Variants in ZYG11A observed in about 807,000 individuals in gnomAD.
The protein encoded by ZYG11A is zyg-11 family member A, cell cycle regulator, also known as protein zyg-11 homolog A.
Under a neutral mutation model 77.2 loss-of-function variants are expected in ZYG11A, and 62 were observed. The observed-to-expected ratio is 0.80, with a 90% CI of 0.65 to 0.99. ZYG11A has a LOEUF of 0.99. ZYG11A is among the 50% of genes least tolerant of loss of function. The pLI, the probability that ZYG11A is intolerant of heterozygous loss-of-function variation, is 0.00. For missense variants in ZYG11A, 828 were observed against 896.8 expected (o/e 0.92, Z 0.98); for synonymous variants, 315 against 324.6 (o/e 0.97, Z 0.32).
intron 11 of ZYG11A, among the ~76,000 whole-genome samples, chr1:52,882,861 TTTC>T (rs1266886068): frequency 1.3e-5 from 2 of 152,082 alleles, no homozygotes; most frequent in African/African-American, 4.8e-5. Context: ...TGTTAATTTT[TTTC>T]TTCTTTGTGG....
intron 1 of ZYG11A, among the ~76,000 whole-genome samples, chr1:52,849,568 A>G (rs565722683): frequency 2.0e-5 from 3 of 151,152 alleles, no homozygotes; most frequent in Admixed American, 6.6e-5. Context: ...GAGTTTCACC[A>G]TGTTGGCCAG....
intron 13 of ZYG11A, among the ~76,000 whole-genome samples, chr1:52,891,502 G>A (rs202007982): frequency 6.6e-6 from 1 of 151,730 alleles, no homozygotes; most frequent in Non-Finnish European, 1.5e-5. Flanking sequence ...CCATAGGCTT[G>A]TGCTCGTTTT....
In ZYG11A at chr1:52,875,291, A is replaced by C. The variant is rs1316742216; in HGVS notation, c.1543-2391A>C. Among the ~76,000 whole-genome samples the C allele has an allele frequency of 2.6e-5, 4 of 152,184 alleles. No homozygotes were observed. The East Asian group carries it at 7.7e-4, about 29-fold the overall frequency. On this transcript the variant is annotated intron_variant, in intron 8 of 13. Transcript: ENST00000371528. ...CCAAAACCTGATTGGAATAGGATGGAATAGCAAATGGGAGGTGAGAAATGG... is the reference window on the plus strand; with the variant it reads ...CCAAAACCTGATTGGAATAGGATGGCATAGCAAATGGGAGGTGAGAAATGG...
chr1:52,884,447 G>C (rs1258087869), intron 11 of ZYG11A, among the ~76,000 whole-genome samples: 2 of 149,788 alleles, frequency 1.3e-5, no homozygotes, highest in East Asian at 3.9e-4. Context: ...AGTGAGCCGA[G>C]ATCGTGCCAC....
chr1:52,884,493 C>A (rs1296986274), intron 11 of ZYG11A, among the ~76,000 whole-genome samples: 582 of 98,504 alleles, frequency 5.9e-3, no homozygotes, highest in Non-Finnish European at 6.4e-3. Flanking sequence ...GAGACTGCCT[C>A]AAAAAAAAAA....
chr1:52,869,256 T>C (rs1646090849), intron 8 of ZYG11A, among the ~76,000 whole-genome samples: 1 of 151,196 alleles, frequency 6.6e-6, no homozygotes, highest in South Asian at 2.1e-4. Flanking sequence ...TTCTTTTTTT[T>C]TTTCTTTATT....
At chr1:52,852,511 G>C (rs1268102042) in intron 1 of ZYG11A, among the ~76,000 whole-genome samples, 1 of 151,178 alleles carries the variant, frequency 6.6e-6, no homozygotes. Context: ...ACTATAGATA[G>C]GCATGTGCCA....
At position 52,890,693 on chromosome 1, in the gene ZYG11A, A is replaced by G. The variant is rs545927427; in HGVS notation, c.2105-2089A>G. 9.2e-4 allele frequency among the ~76,000 whole-genome samples: 139 copies of G among 151,166 alleles called. 4 individuals are homozygous for G. Among genetic ancestry groups the G allele is most frequent in the African/African-American group, 3.2e-3 (131 of 40,920 alleles). ...ACAGTCACAGCTCACTGCTGCTTCAACCTGGGCTCAGGTGACTCTCCCACT... is the reference window on the plus strand; with the variant it reads ...ACAGTCACAGCTCACTGCTGCTTCAGCCTGGGCTCAGGTGACTCTCCCACT... On this transcript the variant is annotated intron_variant, in intron 13 of 13. Transcript: ENST00000371528.
chr1:52,869,051 TCTCCTGACCTTGTGATC>T (rs1408179648), intron 8 of ZYG11A, among the ~76,000 whole-genome samples: 1 of 152,076 alleles, frequency 6.6e-6, no homozygotes, highest in African/African-American at 2.4e-5. Context: ...GTCAGGCTGG[TCTCCTGACCTTGTGATC>T]CACCTGCCTT....
At chr1:52,862,829 A>T (rs868394449) in intron 4 of ZYG11A, among the ~76,000 whole-genome samples, 1 of 152,114 alleles carries the variant, frequency 6.6e-6, no homozygotes, top group African/African-American at 2.4e-5. Flanking sequence ...CCCAGGCTGG[A>T]GTGCAGTGGC....
At position 52,857,194 on chromosome 1, in the gene ZYG11A, T is replaced by C. The variant is rs187915674; in HGVS notation, c.453T>C (p.Asn151=). Residue 151 remains asparagine (N), a synonymous_variant, in exon 3 of 14, where the codon AAT becomes AAC. Coordinates refer to ENST00000371528, the MANE Select transcript of ZYG11A (RefSeq NM_001004339.3). ...ACATCATAAGTGGACTCTGCAGCAA[T>C]AGGTGGATCCAGCAAAACCTCCAGT... The part of the protein sequence containing the change: ...VPDIISGLCS[N]RWIQQNLQCL... 288 of 1,552,168 alleles carry C rather than the reference T, an allele frequency of 1.9e-4. No individual in the cohort carries two copies. Among genetic ancestry groups the C allele is most frequent in the Admixed American group, 5.9e-4 (30 of 50,986 alleles).
intron 13 of ZYG11A, among the ~76,000 whole-genome samples, chr1:52,892,120 C>G (rs1216669287): frequency 6.7e-6 from 1 of 148,250 alleles, no homozygotes; most frequent in South Asian, 2.2e-4. Flanking sequence ...AGGATGGTCT[C>G]GATCTCCTGA....
In ZYG11A at chr1:52,874,232, T is replaced by G. The variant is rs548475842; in HGVS notation, c.1543-3450T>G. On this transcript the variant is annotated intron_variant, in intron 8 of 13. Coordinates refer to ENST00000371528, the MANE Select transcript of ZYG11A (RefSeq NM_001004339.3). The stretch of plus-strand genomic sequence containing the variant: ...CAGGTGGTTTAGCGTTTTTTAGCTC[T>G]CTCTCTCTATATATATATACATATT... Among the ~76,000 whole-genome samples, 166 of 108,510 alleles carry G rather than the reference T, an allele frequency of 1.5e-3. 1 individual carries two copies. In the South Asian group the frequency reaches 0.022, roughly 14 times the overall value. 71.2% of individuals were successfully genotyped at this position (108,510 alleles called of 152,430 possible).
intron 10 of ZYG11A, chr1:52,881,249 G>A (rs1646356978): frequency 2.5e-6 from 1 of 406,656 alleles, no homozygotes. Context: ...ATCTAGTACT[G>A]TGCCTGGCAC....
At chr1:52,877,900 C>CTGTA in intron 9 of ZYG11A, 25 bp from the exon 10 acceptor site, 1 of 1,551,392 alleles carries the variant, frequency 6.4e-7, no homozygotes, top group South Asian at 1.2e-5. Context: ...ATAAAGTAAC[C>CTGTA]TGTATGTATA....
Position 52,864,086 on chromosome 1 carries a change from C to G in ZYG11A, c.1255C>G (p.Pro419Ala). ...LTRQGLAKGM[P>A]VRLLSEVTCL... ...ACGCCAGGGCCTGGCCAAGGGGATGCCTGTTCGCCTGTTGTCAGAGGTCAC... is the reference window on the plus strand; with the variant it reads ...ACGCCAGGGCCTGGCCAAGGGGATGGCTGTTCGCCTGTTGTCAGAGGTCAC... The change falls in exon 5 of 14, where the codon CCT becomes GCT. Residue 419 changes from proline (P) to alanine (A), a missense_variant. Pro to Ala is a conservative substitution (Grantham distance 27). Transcript: ENST00000371528. The G allele has an allele frequency of 1.3e-6, 2 of 1,551,952 alleles. No homozygotes were observed. The highest frequency in any genetic ancestry group is 1.7e-6 in the Non-Finnish European group (2 of 1,147,060).
intron 6 of ZYG11A, 72 bp downstream of exon 6, chr1:52,866,639 C>A: frequency 1.1e-6 from 1 of 903,048 alleles, no homozygotes; most frequent in Non-Finnish European, 1.8e-6. Context: ...CTGATTAAGG[C>A]TGGGATAAGG....
intron 11 of ZYG11A, 143 bp from the exon 12 acceptor site, chr1:52,885,688 ATT>A (rs1373841767): frequency 1.6e-6 from 1 of 616,264 alleles, no homozygotes; most frequent in African/African-American, 1.9e-5. Flanking sequence ...TTGTTAAGAT[ATT>A]GTGTGTATAT....
At chr1:52,866,114 T>C (rs1646022003) in intron 5 of ZYG11A, among the ~76,000 whole-genome samples, 1 of 151,988 alleles carries the variant, frequency 6.6e-6, no homozygotes, top group South Asian at 2.1e-4. Flanking sequence ...ATTTTTTGTA[T>C]TTTTAGTAGA....
Sources: gnomAD v4.1 joint callset for allele counts (sites outside exome capture counted in the v4.1 genomes callset) on GRCh38, gnomAD v4.1.1 for gene constraint, MANE v1.5 for transcripts, NCBI Gene and HGNC (gene_info 2026-07-23, HGNC 2026-07-21) for gene names.